Variants in KCNMA1 observed in about 807,000 individuals in gnomAD.
The protein encoded by KCNMA1 is potassium calcium-activated channel subfamily M alpha 1.
A neutral mutation model predicts 140.0 loss-of-function variants in KCNMA1; 29 were observed. That is an observed-to-expected ratio of 0.21 (90% CI 0.15 to 0.28). KCNMA1 has a LOEUF of 0.28. KCNMA1 is among the 10% of genes least tolerant of loss of function. KCNMA1 has a pLI of 1.00. For missense variants in KCNMA1, 880 were observed against 1,602.2 expected, an observed-to-expected ratio of 0.55 and a Z score of 7.70; for synonymous variants, 612 against 611.9, an observed-to-expected ratio of 1.00 and a Z score of 0.00.
chr10:77,034,122 T>G (rs1169758985), intron 15 of KCNMA1, among the ~76,000 whole-genome samples: 1 of 151,772 alleles, frequency 6.6e-6, no homozygotes, highest in East Asian at 1.9e-4. Flanking sequence ...CACACGTCTC[T>G]AGTCCCAGCT....
chr10:76,931,061 C>T lies in KCNMA1; in HGVS notation c.2902+13712G>A, dbSNP rs150269749. ...ATTATAGGATGAATAAATTCTGGGGCTGTAATGTAAAGTGTGGTGACTATA... is the reference window on the plus strand; with the variant it reads ...ATTATAGGATGAATAAATTCTGGGGTTGTAATGTAAAGTGTGGTGACTATA... On this transcript the variant is annotated intron_variant, in intron 23 of 27. Coordinates refer to ENST00000286628, the MANE Select transcript of KCNMA1 (RefSeq NM_001161352.2). Among the ~76,000 whole-genome samples, 730 of 152,142 alleles carry T rather than the reference C, an allele frequency of 4.8e-3. 5 individuals carry two copies. Among genetic ancestry groups the T allele is most frequent in the Non-Finnish European group, 7.5e-3 (510 of 67,994 alleles).
At chr10:77,631,258 T>C (rs908036056) in intron 1 of KCNMA1, among the ~76,000 whole-genome samples, 1 of 152,158 alleles carries the variant, frequency 6.6e-6, no homozygotes, top group Admixed American at 6.5e-5. Context: ...GTCCCTGGGT[T>C]TCCTTTTCTA....
intron 14 of KCNMA1, among the ~76,000 whole-genome samples, chr10:77,062,638 T>C (rs1421090920): frequency 6.6e-6 from 1 of 152,180 alleles, no homozygotes; most frequent in Admixed American, 6.5e-5. Context: ...CTTGCCTGGG[T>C]CTTTTCCAGA....
intron 20 of KCNMA1, among the ~76,000 whole-genome samples, chr10:76,956,785 C>A (rs2068501338): frequency 6.6e-6 from 1 of 152,052 alleles, no homozygotes; most frequent in African/African-American, 2.4e-5. Context: ...AAAAGCTGTT[C>A]ATATCCTGGT....
At chr10:77,552,190 A>T (rs1267077531) in intron 1 of KCNMA1, among the ~76,000 whole-genome samples, 3 of 152,188 alleles carry the variant, frequency 2.0e-5, no homozygotes, top group Admixed American at 2.0e-4. Context: ...GCCCAGCATG[A>T]GGTGTGCTGG....
chr10:77,346,870 C>T (rs2092247371), intron 2 of KCNMA1, among the ~76,000 whole-genome samples: 1 of 152,198 alleles, frequency 6.6e-6, no homozygotes, highest in Non-Finnish European at 1.5e-5. Context: ...AAGGGACAGC[C>T]CTGTCCAGCA....
chr10:77,335,459 C>T (rs2088556446), intron 2 of KCNMA1, among the ~76,000 whole-genome samples: 1 of 152,220 alleles, frequency 6.6e-6, no homozygotes, highest in African/African-American at 2.4e-5. Flanking sequence ...ATCCATCAGA[C>T]TCACCTAGAG....
intron 2 of KCNMA1, among the ~76,000 whole-genome samples, chr10:77,264,356 A>G (rs2062843610): frequency 6.6e-6 from 1 of 152,208 alleles, no homozygotes; most frequent in Admixed American, 6.5e-5. Flanking sequence ...TGGGTGGATG[A>G]GAATGTGGTC....
chr10:77,440,415 T>C (rs1038436089), intron 1 of KCNMA1, among the ~76,000 whole-genome samples: 100 of 152,280 alleles, frequency 6.6e-4, no homozygotes, highest in Admixed American at 6.3e-3. Flanking sequence ...GGGTGAAACA[T>C]GGGCAACAGT....
chr10:77,493,081 T>C (rs534780172), intron 1 of KCNMA1, among the ~76,000 whole-genome samples: 1 of 152,324 alleles, frequency 6.6e-6, no homozygotes, highest in African/African-American at 2.4e-5. Context: ...TGGAAACTGA[T>C]CATGTCTTCA....
intron 2 of KCNMA1, among the ~76,000 whole-genome samples, chr10:77,303,338 A>T (rs530290248): frequency 2.0e-5 from 3 of 152,188 alleles, no homozygotes; most frequent in African/African-American, 7.2e-5. Flanking sequence ...GCATTATCTC[A>T]TAAAGGATAC....
intron 2 of KCNMA1, among the ~76,000 whole-genome samples, chr10:77,380,697 A>T (rs1435991939): frequency 6.6e-6 from 1 of 152,192 alleles, no homozygotes; most frequent in Non-Finnish European, 1.5e-5. Context: ...GTAGGAGCTC[A>T]GATGAATGAT....
chr10:77,042,221 T>G (rs1361639164), intron 14 of KCNMA1, among the ~76,000 whole-genome samples: 1 of 149,782 alleles, frequency 6.7e-6, no homozygotes, highest in Non-Finnish European at 1.5e-5. Context: ...ATGGTATGAT[T>G]TTAAAAATTA....
intron 5 of KCNMA1, among the ~76,000 whole-genome samples, chr10:77,130,964 G>T (rs909691272): frequency 6.6e-6 from 1 of 152,024 alleles, no homozygotes; most frequent in African/African-American, 2.4e-5. Flanking sequence ...TTGATGGGGG[G>T]GTGGTTGGGA....
intron 25 of KCNMA1, chr10:76,904,162 C>A (rs2046802689): frequency 6.6e-6 from 1 of 152,194 alleles, no homozygotes; most frequent in African/African-American, 2.4e-5. Context: ...TAAGGAGTAA[C>A]ATCATTCCCA....
At chr10:77,537,690 A>G (rs927382648) in intron 1 of KCNMA1, among the ~76,000 whole-genome samples, 43 of 152,198 alleles carry the variant, frequency 2.8e-4, no homozygotes, top group African/African-American at 1.0e-3. Flanking sequence ...GAATGGACCT[A>G]GCATTGAGAA....
intron 5 of KCNMA1, among the ~76,000 whole-genome samples, chr10:77,179,610 C>G: frequency 6.6e-6 from 1 of 152,084 alleles, no homozygotes; most frequent in Non-Finnish European, 1.5e-5. Flanking sequence ...CATTCCCAAC[C>G]CAGGCCTCAC....
chr10:77,389,143 A>G (rs1373165190), intron 2 of KCNMA1, among the ~76,000 whole-genome samples: 4 of 152,204 alleles, frequency 2.6e-5, no homozygotes, highest in Non-Finnish European at 5.9e-5. Context: ...TTAACCTACA[A>G]GGAATTTTCA....
intron 3 of KCNMA1, among the ~76,000 whole-genome samples, chr10:77,233,244 A>G (rs535320157): frequency 6.6e-5 from 10 of 152,268 alleles, no homozygotes; most frequent in African/African-American, 2.4e-4. Flanking sequence ...GTCCAGAATG[A>G]CTGTTTAAAA....
Sources: gnomAD v4.1 joint callset for allele counts (sites outside exome capture counted in the v4.1 genomes callset) on GRCh38, gnomAD v4.1.1 for gene constraint, MANE v1.5 for transcripts, NCBI Gene and HGNC (gene_info 2026-07-23, HGNC 2026-07-21) for gene names.